CD160: variants seen among roughly 807,000 people sequenced by gnomAD.
CD160 encodes the protein CD160 antigen.
A neutral mutation model predicts 19.2 loss-of-function variants in CD160; 11 were observed. That is an observed-to-expected ratio of 0.57 (90% CI 0.36 to 0.95). CD160 has a LOEUF of 0.95. Ranked by LOEUF, CD160 falls within the 40% of genes least tolerant of loss-of-function variation. The pLI is 0.01. For missense variants in CD160, 182 were observed against 213.2 expected, an observed-to-expected ratio of 0.85 and a Z score of 0.91; for synonymous variants, 75 against 81.1, an observed-to-expected ratio of 0.93 and a Z score of 0.40.
In CD160 at chr1:145,728,349, G is replaced by C. The variant is rs1553708658; in HGVS notation, c.22G>C (p.Gly8Arg). The C allele has an allele frequency of 6.2e-7, 1 of 1,613,430 alleles. No homozygotes were observed. Among genetic ancestry groups the C allele is most frequent in the Admixed American group, 1.7e-5 (1 of 60,002 alleles). MLLEPGR[G>R]CCALAILLAI... ...CAGGATGCTGTTGGAACCCGGCAGA[G>C]GCTGCTGTGCCCTGGCCATCCTGCT... Residue 8 changes from glycine to arginine, a missense_variant, in exon 3 of 6, where the codon GGC (glycine) becomes CGC (arginine). Coordinates refer to ENST00000369288, the MANE Select transcript of CD160 (RefSeq NM_007053.4).
intron 3 of CD160, 31 bp downstream of exon 3, chr1:145,728,431 AT>A (rs1657143314): frequency 7.0e-7 from 1 of 1,425,238 alleles, no homozygotes; most frequent in Admixed American, 1.7e-5. Context: ...AGAGACGGCC[AT>A]GGGGAGGATC....
intron 4 of CD160, among the ~76,000 whole-genome samples, chr1:145,733,415 C>T (rs967959323): frequency 5.9e-5 from 9 of 152,184 alleles, no homozygotes; most frequent in African/African-American, 2.2e-4. Context: ...GCTGGGATTA[C>T]AGGTGTGAGC....
At chr1:145,737,811 G>T (rs1657555057) in intron 5 of CD160, 1 of 146,880 alleles carries the variant, frequency 6.8e-6, no homozygotes, top group Admixed American at 6.8e-5. Context: ...CAGGTGAAGA[G>T]AATGAGCTTT....
intron 5 of CD160, 105 bp downstream of exon 5, chr1:145,736,239 G>A: frequency 6.3e-7 from 1 of 1,576,824 alleles, no homozygotes; most frequent in African/African-American, 1.3e-5. Flanking sequence ...GATGTCCAGG[G>A]GGAGAGAAAA....
intron 5 of CD160, chr1:145,737,751 C>CAAAAAA (rs35767467): frequency 8.3e-6 from 1 of 120,814 alleles, no homozygotes; most frequent in African/African-American, 3.0e-5. Flanking sequence ...CATCCTAGAG[C>CAAAAAA]AAAAAAAAAA....
At chr1:145,721,800 GAAGGCCT>G (rs1294089523) in intron 1 of CD160, among the ~76,000 whole-genome samples, 2 of 152,162 alleles carry the variant, frequency 1.3e-5, no homozygotes, top group Non-Finnish European at 2.9e-5. Context: ...AAACAACTAT[GAAGGCCT>G]AACTTCATTG....
chr1:145,734,563 G>T (rs1657410105), intron 4 of CD160, among the ~76,000 whole-genome samples: 1 of 152,186 alleles, frequency 6.6e-6, no homozygotes, highest in Non-Finnish European at 1.5e-5. Context: ...TAACAAATAT[G>T]TATTGTGCAT....
chr1:145,722,899 A>G (rs898401392), intron 1 of CD160, among the ~76,000 whole-genome samples: 4 of 152,100 alleles, frequency 2.6e-5, no homozygotes, highest in Non-Finnish European at 5.9e-5. Context: ...CGGCGCCACT[A>G]TTAAGTTTTA....
intron 5 of CD160, 78 bp from the exon 6 acceptor site, chr1:145,738,408 C>T: frequency 1.0e-6 from 1 of 968,890 alleles, no homozygotes; most frequent in Non-Finnish European, 1.4e-6. Flanking sequence ...CATCTCAGGA[C>T]AGGTGAGACT....
rs745942460 is a variant in CD160, at chr1:145,738,752, T to C, written c.*259T>C. 19 of 342,740 alleles carry C rather than the reference T, an allele frequency of 5.5e-5. 1 individual carries two copies. Among genetic ancestry groups the C allele is most frequent in the Non-Finnish European group, 9.5e-5 (18 of 189,756 alleles). 21.2% of individuals were successfully genotyped at this position (342,740 alleles called of 1,614,324 possible). On this transcript the variant is annotated 3_prime_UTR_variant, in exon 6 of 6. Transcript: ENST00000369288. ...ATAAACAGAACAGCTTTCACCAAAG[T>C]GGGTAGTATAGTCCTCAAATATCGG...
Position 145,728,345 on chromosome 1 carries a change from C to T in CD160, c.18C>T (p.Gly6=), listed in dbSNP as rs782573290. 1 of 1,613,010 alleles carries T rather than the reference C, an allele frequency of 6.2e-7. No homozygotes were observed. Among genetic ancestry groups the T allele is most frequent in the South Asian group, 1.1e-5 (1 of 91,054 alleles). MLLEP[G]RGCCALAILL... is the part of the protein sequence containing the mutation. ...CGTGCAGGATGCTGTTGGAACCCGG[C>T]AGAGGCTGCTGTGCCCTGGCCATCC... The change falls in exon 3 of 6, where the codon GGC becomes GGT. Residue 6 remains glycine, a synonymous_variant. Transcript: ENST00000369288.
chr1:145,724,891 G>A lies in CD160; in HGVS notation c.-88G>A, dbSNP rs1229089050. The A allele has an allele frequency of 6.6e-6, 1 of 151,886 alleles. No individual in the cohort carries two copies. Among genetic ancestry groups the A allele is most frequent in the Non-Finnish European group, 1.5e-5 (1 of 67,996 alleles). The allele number at this position is 151,886 out of a possible 1,614,324, so 9.4% of individuals were successfully genotyped here. ...GGCTCCTCCCACCTAAGTCTCTTGA[G>A]TAGCTGGGACTTCAGGTACGCACCA... is the stretch of plus-strand genomic sequence containing the variant. On this transcript the variant is annotated 5_prime_UTR_variant, in exon 2 of 6. Coordinates refer to ENST00000369288, the MANE Select transcript of CD160 (RefSeq NM_007053.4).
chr1:145,723,162 G>A (rs996619653), intron 1 of CD160, among the ~76,000 whole-genome samples: 8 of 152,190 alleles, frequency 5.3e-5, no homozygotes, highest in African/African-American at 1.7e-4. Flanking sequence ...AAAGGACATT[G>A]GGGCCATACC....
intron 2 of CD160, among the ~76,000 whole-genome samples, chr1:145,726,730 TA>T (rs587755318): frequency 3.3e-5 from 5 of 151,732 alleles, no homozygotes; most frequent in African/African-American, 1.2e-4. Context: ...TAAAGTATAT[TA>T]AAAAAAAGAT....
At chr1:145,734,912 G>C (rs1657420512) in intron 4 of CD160, among the ~76,000 whole-genome samples, 1 of 152,092 alleles carries the variant, frequency 6.6e-6, no homozygotes, top group Non-Finnish European at 1.5e-5. Flanking sequence ...TTCGAGACAA[G>C]CCTGGCCAAC....
At chr1:145,720,391 A>G (rs1656782825) in intron 1 of CD160, among the ~76,000 whole-genome samples, 1 of 152,174 alleles carries the variant, frequency 6.6e-6, no homozygotes, top group African/African-American at 2.4e-5. Flanking sequence ...TGGCGCCTTT[A>G]TGTCAGGCAC....
intron 3 of CD160, among the ~76,000 whole-genome samples, chr1:145,730,249 G>A (rs1397723227): frequency 1.3e-5 from 2 of 152,148 alleles, no homozygotes; most frequent in Non-Finnish European, 2.9e-5. Context: ...GAGCCCAGGA[G>A]TTCAAAGGTG....
intron 1 of CD160, among the ~76,000 whole-genome samples, chr1:145,720,678 A>G (rs1656800397): frequency 6.6e-6 from 1 of 152,168 alleles, no homozygotes. Context: ...GGCAGAGGAA[A>G]TGGAGACTCT....
rs113393657 is a variant in CD160 at position 145,725,199 on chromosome 1, C to G, written c.-73+293C>G. Among the ~76,000 whole-genome samples, 608 of 151,970 alleles carry G rather than the reference C, an allele frequency of 4.0e-3. 6 individuals carry two copies. The highest frequency in any genetic ancestry group is 0.014 in the African/African-American group (588 of 41,470). On this transcript the variant is annotated intron_variant, in intron 2 of 5. Coordinates refer to ENST00000369288, the MANE Select transcript of CD160 (RefSeq NM_007053.4). ...CTTTGGGAGGCCAAGGTGGGTGGATCACAAGGTTAGGAGTTCAAGATCACC... is the reference window on the plus strand; with the variant it reads ...CTTTGGGAGGCCAAGGTGGGTGGATGACAAGGTTAGGAGTTCAAGATCACC...
Sources: allele counts gnomAD v4.1 joint callset (sites outside exome capture counted in the v4.1 genomes callset), GRCh38; gene constraint gnomAD v4.1.1; transcripts MANE v1.5; gene names NCBI Gene and HGNC (gene_info 2026-07-23, HGNC 2026-07-21).